The following SERAC1 variants were observed in gnomAD, a reference collection of about 807,000 sequenced individuals.
SERAC1 encodes the protein protein SERAC1.
A neutral mutation model predicts 85.7 loss-of-function variants in SERAC1; 36 were observed. That is an observed-to-expected ratio of 0.42 (90% CI 0.32 to 0.55). The LOEUF (loss-of-function observed/expected upper bound fraction) is 0.55. SERAC1 is among the 20% of genes least tolerant of loss of function. The pLI is 0.11. For missense variants in SERAC1, 629 were observed against 796.2 expected (o/e 0.79, Z 2.53); for synonymous variants, 242 against 265.3 (o/e 0.91, Z 0.85).
At chr6:158,116,389 A>G in intron 13 of SERAC1, 107 bp from the exon 14 acceptor site, 1 of 770,672 alleles carries the variant, frequency 1.3e-6, no homozygotes, top group Admixed American at 2.0e-5. Context: ...AATGCTACAT[A>G]CTACATTTAG....
chr6:158,112,751 G>A (rs1435459363), intron 16 of SERAC1: 1 of 149,308 alleles, frequency 6.7e-6, no homozygotes, highest in Non-Finnish European at 1.5e-5. Context: ...CAGCCTCAGA[G>A]GCAGTAAGAA....
chr6:158,118,165 T>TCTGA (rs1369874915), intron 12 of SERAC1, among the ~76,000 whole-genome samples: 1 of 152,218 alleles, frequency 6.6e-6, no homozygotes, highest in Non-Finnish European at 1.5e-5. Flanking sequence ...GATGGCATAG[T>TCTGA]CTGACAGATT....
At chr6:158,116,948 G>GAATC (rs1562433484) in intron 13 of SERAC1, 1 of 152,774 alleles carries the variant, frequency 6.5e-6, no homozygotes, top group African/African-American at 2.4e-5. Context: ...GATGCTAATA[G>GAATC]AATCAGAATT....
At chr6:158,142,063 T>C (rs1562449162) in intron 8 of SERAC1, among the ~76,000 whole-genome samples, 1 of 152,220 alleles carries the variant, frequency 6.6e-6, no homozygotes, top group Non-Finnish European at 1.5e-5. Flanking sequence ...TTCGTTCTGA[T>C]TTCTCTTAGA....
intron 1 of SERAC1, among the ~76,000 whole-genome samples, chr6:158,167,671 T>C (rs1006909708): frequency 6.6e-6 from 1 of 152,012 alleles, no homozygotes; most frequent in Non-Finnish European, 1.5e-5. Flanking sequence ...CAGAACAGAC[T>C]TGGGGAAAGG....
At chr6:158,135,520 G>A (rs964077004) in intron 8 of SERAC1, among the ~76,000 whole-genome samples, 8 of 151,930 alleles carry the variant, frequency 5.3e-5, no homozygotes, top group Non-Finnish European at 1.2e-4. Flanking sequence ...GTGACAGAGC[G>A]AGACTTCATC....
rs1254468225 is a variant in SERAC1, at chr6:158,109,966, T to C, written c.*1400A>G. 6.6e-6 allele frequency: 1 copy of C among 152,194 alleles called. No individual in the cohort carries two copies. The highest frequency in any genetic ancestry group is 2.4e-5 in the African/African-American group (1 of 41,450). 9.4% of individuals were successfully genotyped at this position (152,194 alleles called of 1,614,324 possible). ...TCCATAGAGACAGAAAACAGATTAG[T>C]GTTTACCGCAGGCTTGGGAAAGCAG... is the stretch of plus-strand genomic sequence containing the variant. On this transcript the variant is annotated 3_prime_UTR_variant, in exon 17 of 17. Coordinates refer to ENST00000647468, the MANE Select transcript of SERAC1 (RefSeq NM_032861.4).
chr6:158,118,612 T>A, intron 12 of SERAC1, among the ~76,000 whole-genome samples: 1 of 104,678 alleles, frequency 9.6e-6, no homozygotes, highest in East Asian at 2.5e-4. Context: ...AATGAGACCC[T>A]CATCTCAAAA....
intron 1 of SERAC1, chr6:158,158,569 T>G (rs1172466993): frequency 2.2e-6 from 1 of 455,334 alleles, no homozygotes; most frequent in Non-Finnish European, 3.9e-6. Context: ...TGTTAGAATT[T>G]TCATTATTCT....
At position 158,117,617 on chromosome 6, in the gene SERAC1, A is replaced by G; in HGVS notation, c.1403+110T>C. 6.3e-7 allele frequency: 1 copy of G among 1,576,354 alleles called. No homozygotes were observed. Among genetic ancestry groups the G allele is most frequent in the South Asian group, 1.1e-5 (1 of 87,110 alleles). ...AAAGATTAGGTTTGTTCTTCATAAG[A>G]AAATCCTGTCTGTGGCATCAAAAAA... On this transcript the variant is annotated intron_variant, in intron 13 of 16. Coordinates refer to ENST00000647468, the MANE Select transcript of SERAC1 (RefSeq NM_032861.4). The surrounding 1 kb of genome is among the most constrained non-coding windows in gnomAD (Gnocchi z 4.3).
intron 1 of SERAC1, among the ~76,000 whole-genome samples, chr6:158,162,980 G>A (rs1363368213): frequency 1.3e-5 from 2 of 152,096 alleles, no homozygotes; most frequent in African/African-American, 2.4e-5. Context: ...TGGGAAGTAC[G>A]TGCACATCGA....
intron 16 of SERAC1, 146 bp downstream of exon 16, chr6:158,113,303 G>T (rs1350681564): frequency 2.8e-5 from 18 of 646,180 alleles, no homozygotes; most frequent in Non-Finnish European, 1.0e-5. Context: ...TTAATCTATT[G>T]CTGAAAAGAA....
intron 1 of SERAC1, among the ~76,000 whole-genome samples, chr6:158,167,537 C>CA (rs71542916): frequency 0.37 from 26,099 of 69,676 alleles, 4,308 homozygotes; most frequent in East Asian, 0.53. Context: ...GACTCCATCT[C>CA]AAAAAAAAAA....
rs1293705162 is a variant in SERAC1, at chr6:158,111,332, G to A, written c.*34C>T. On this transcript the variant is annotated 3_prime_UTR_variant, in exon 17 of 17. Coordinates refer to ENST00000647468, the MANE Select transcript of SERAC1 (RefSeq NM_032861.4). The stretch of plus-strand genomic sequence containing the variant: ...AACAGAACACCAAGTTTCTTGCACT[G>A]AATTCACATATGAAAACTGGAAGAG... The A allele has an allele frequency of 6.5e-7, 1 of 1,548,086 alleles. No homozygotes were observed. The highest frequency in any genetic ancestry group is 2.3e-5 in the East Asian group (1 of 44,292).
At chr6:158,159,628 CTT>C (rs201267756) in intron 1 of SERAC1, among the ~76,000 whole-genome samples, 11 of 143,274 alleles carry the variant, frequency 7.7e-5, no homozygotes, top group African/African-American at 7.7e-5. Context: ...TTAAGATTAT[CTT>C]TTTTTTTTTT....
At position 158,117,879 on chromosome 6, in the gene SERAC1, G is replaced by T; in HGVS notation, c.1309-58C>A. On this transcript the variant is annotated intron_variant, in intron 12 of 16. Transcript: ENST00000647468. This position sits in a 1 kb window ranked among gnomAD's most constrained non-coding sequence, Gnocchi z 4.3. Reference sequence around the variant, plus strand: ...ATGAATCTTCACCACTGCAATTACTGCCTAGTAAATCAAATTTATAACTAA... The same window carrying T: ...ATGAATCTTCACCACTGCAATTACTTCCTAGTAAATCAAATTTATAACTAA... The T allele has an allele frequency of 7.4e-7, 1 of 1,343,822 alleles. No homozygotes were observed. The highest frequency in any genetic ancestry group is 1.1e-6 in the Non-Finnish European group (1 of 944,692). 83.2% of individuals were successfully genotyped at this position (1,343,822 alleles called of 1,614,324 possible). A position where few individuals can be genotyped will look rare whatever the true frequency, so the allele number is the denominator to read the frequency against.
At position 158,111,513 on chromosome 6, in the gene SERAC1, TA is replaced by T; in HGVS notation, c.1829-12del. The T allele has an allele frequency of 1.9e-6, 3 of 1,568,380 alleles. No homozygotes were observed. The highest frequency in any genetic ancestry group is 2.6e-6 in the Non-Finnish European group (3 of 1,162,158). On this transcript the variant is annotated splice_polypyrimidine_tract_variant and intron_variant, in intron 16 of 16. Coordinates refer to ENST00000647468, the MANE Select transcript of SERAC1 (RefSeq NM_032861.4). ...CTCCAATGCCTAAATCTGAAGAAAATAAAAAAGTCAATAAACCTAAGTAAAA... is the reference window on the plus strand; with the variant it reads ...CTCCAATGCCTAAATCTGAAGAAAATAAAAAGTCAATAAACCTAAGTAAAA...
At chr6:158,135,528 A>G (rs1784772504) in intron 8 of SERAC1, among the ~76,000 whole-genome samples, 1 of 151,986 alleles carries the variant, frequency 6.6e-6, no homozygotes, top group Non-Finnish European at 1.5e-5. Flanking sequence ...GCGAGACTTC[A>G]TCTCAAAAAA....
intron 10 of SERAC1, among the ~76,000 whole-genome samples, chr6:158,125,910 G>A (rs1339458369): frequency 2.0e-5 from 3 of 151,676 alleles, no homozygotes; most frequent in African/African-American, 7.3e-5. Context: ...AGCCAAAAGA[G>A]GAGAAACAAC....
Sources: gnomAD v4.1 joint callset for allele counts (sites outside exome capture counted in the v4.1 genomes callset) on GRCh38, gnomAD v4.1.1 for gene constraint, Gnocchi (gnomAD v3.1) non-coding constraint, MANE v1.5 for transcripts, NCBI Gene and HGNC (gene_info 2026-07-23, HGNC 2026-07-21) for gene names.